SPTLC1: variants seen among roughly 807,000 people sequenced by gnomAD.
SPTLC1 encodes the protein serine palmitoyltransferase 1.
A neutral mutation model predicts 68.9 loss-of-function variants in SPTLC1; 55 were observed. That is an observed-to-expected ratio of 0.80 (90% confidence interval 0.64 to 1.00). The LOEUF (loss-of-function observed/expected upper bound fraction) is 1.00. Among genes scored for constraint, SPTLC1 ranks in the 50% least tolerant of loss-of-function variants. The pLI is 0.00. For missense variants in SPTLC1, 449 were observed against 573.1 expected (o/e 0.78, Z 2.21); for synonymous variants, 197 against 201.6 (o/e 0.98, Z 0.19).
intron 5 of SPTLC1, among the ~76,000 whole-genome samples, chr9:92,073,681 A>G (rs1834576740): frequency 6.6e-6 from 1 of 152,184 alleles, no homozygotes; most frequent in African/African-American, 2.4e-5. Context: ...AACTTCAAAA[A>G]TTAGAGTCTG....
chr9:92,111,070 C>T (rs935121715), intron 2 of SPTLC1: 3 of 152,174 alleles, frequency 2.0e-5, no homozygotes, highest in Non-Finnish European at 4.4e-5. Context: ...AACAGCCTGA[C>T]TACTACCTCT....
chr9:92,103,396 C>T (rs878961191), intron 3 of SPTLC1, among the ~76,000 whole-genome samples: 1 of 152,162 alleles, frequency 6.6e-6, no homozygotes, highest in African/African-American at 2.4e-5. Flanking sequence ...AGATATGCCA[C>T]GGTGCTAAGT....
intron 5 of SPTLC1, among the ~76,000 whole-genome samples, chr9:92,072,859 A>T (rs1302153951): frequency 6.6e-6 from 1 of 151,950 alleles, no homozygotes; most frequent in African/African-American, 2.4e-5. Flanking sequence ...AATGTGGTCC[A>T]TCCCAAATTT....
chr9:92,104,493 C>T (rs1265567524), intron 3 of SPTLC1: 22 of 1,384,508 alleles, frequency 1.6e-5, no homozygotes, highest in Non-Finnish European at 2.0e-5. Context: ...TGGTCTGGAG[C>T]CCCCCCCTCA....
chr9:92,038,556 TA>T, intron 12 of SPTLC1, 191 bp from the exon 13 acceptor site: 3 of 621,634 alleles, frequency 4.8e-6, no homozygotes, highest in Non-Finnish European at 8.8e-6. Flanking sequence ...CTTCCTCATC[TA>T]AAAAAGTCTG....
Position 92,055,453 on chromosome 9 carries a change from T to A in SPTLC1, c.732A>T (p.Val244=), listed in dbSNP as rs746096415. 5.6e-6 allele frequency: 9 copies of A among 1,613,662 alleles called. No individual in the cohort carries two copies. The South Asian group carries it at 9.9e-5, about 18-fold the overall frequency. Residue 244 remains valine (V), a synonymous_variant, in exon 8 of 15, where the codon GTA becomes GTT. Coordinates refer to ENST00000262554, the MANE Select transcript of SPTLC1 (RefSeq NM_006415.4). ...TTCCAGTATTCATATACAATCCTTC[T>A]ACTACAATGAAACGCCGAGTTACAC... The part of the protein sequence containing the change: ...KARVTRRFIV[V]EGLYMNTGTI...
At chr9:92,067,562 T>C (rs1834337852) in intron 6 of SPTLC1, among the ~76,000 whole-genome samples, 1 of 152,194 alleles carries the variant, frequency 6.6e-6, no homozygotes, top group African/African-American at 2.4e-5. Flanking sequence ...ACGGCTCCTC[T>C]ATCCTTAATA....
At chr9:92,074,186 G>A (rs897884769) in intron 5 of SPTLC1, among the ~76,000 whole-genome samples, 4 of 151,948 alleles carry the variant, frequency 2.6e-5, no homozygotes, top group African/African-American at 7.3e-5. Flanking sequence ...CTTCTTAATC[G>A]ATACGGGGGC....
At chr9:92,106,958 A>T (rs1449555110) in intron 3 of SPTLC1, among the ~76,000 whole-genome samples, 1 of 152,146 alleles carries the variant, frequency 6.6e-6, no homozygotes, top group African/African-American at 2.4e-5. Context: ...AGAAAACAAA[A>T]GACCCAAGTA....
chr9:92,085,226 TG>T (rs1835071104), intron 3 of SPTLC1, among the ~76,000 whole-genome samples: 2 of 150,632 alleles, frequency 1.3e-5, no homozygotes, highest in African/African-American at 2.5e-5. Context: ...AAGGGTTTTT[TG>T]TGTCTCTATT....
intron 1 of SPTLC1, chr9:92,115,079 C>T (rs1288816409): frequency 1.7e-6 from 1 of 586,320 alleles, no homozygotes; most frequent in Admixed American, 2.9e-5. Flanking sequence ...TCCAGGGGAC[C>T]CGGAGCATAA....
At chr9:92,096,631 C>T (rs1835540808) in intron 3 of SPTLC1, among the ~76,000 whole-genome samples, 1 of 152,066 alleles carries the variant, frequency 6.6e-6, no homozygotes, top group Admixed American at 6.6e-5. Flanking sequence ...ACTTGACATC[C>T]ACCTGGAAAA....
intron 4 of SPTLC1, 64 bp downstream of exon 4, chr9:92,080,806 T>C: frequency 7.3e-7 from 1 of 1,378,732 alleles, no homozygotes; most frequent in Non-Finnish European, 1.0e-6. Flanking sequence ...TGCCTTTGTC[T>C]TTTATGTCTA....
At chr9:92,035,028 C>A in intron 13 of SPTLC1, 145 bp from the exon 14 acceptor site, 1 of 760,474 alleles carries the variant, frequency 1.3e-6, no homozygotes, top group Non-Finnish European at 2.4e-6. Flanking sequence ...AATACTACAC[C>A]ACCACCTTGG....
chr9:92,034,157 A>G (rs550285546), intron 14 of SPTLC1, among the ~76,000 whole-genome samples: 2 of 152,248 alleles, frequency 1.3e-5, no homozygotes, highest in African/African-American at 2.4e-5. Flanking sequence ...TGGTGTAGAC[A>G]TCGCCTGCTC....
chr9:92,105,218 C>G, intron 3 of SPTLC1: 1 of 1,534,204 alleles, frequency 6.5e-7, no homozygotes, highest in Non-Finnish European at 8.7e-7. Context: ...GACCCCTCCC[C>G]TGCAACTGAG....
At chr9:92,099,440 C>T (rs1835663339) in intron 3 of SPTLC1, among the ~76,000 whole-genome samples, 1 of 151,654 alleles carries the variant, frequency 6.6e-6, no homozygotes, top group South Asian at 2.1e-4. Flanking sequence ...ACATATACAA[C>T]AGTGGTCCTA....
intron 3 of SPTLC1, among the ~76,000 whole-genome samples, chr9:92,087,709 G>T (rs982644338): frequency 3.9e-5 from 6 of 152,218 alleles, no homozygotes; most frequent in African/African-American, 1.2e-4. Context: ...GGACCCACTT[G>T]AGGAGGCAGT....
At chr9:92,062,716 G>T (rs1834148152) in intron 6 of SPTLC1, among the ~76,000 whole-genome samples, 1 of 152,120 alleles carries the variant, frequency 6.6e-6, no homozygotes, top group Non-Finnish European at 1.5e-5. Context: ...TGTTTTTGTA[G>T]TCCCAACTAC....
Sources: allele counts gnomAD v4.1 joint callset (sites outside exome capture counted in the v4.1 genomes callset), GRCh38; gene constraint gnomAD v4.1.1; transcripts MANE v1.5; gene names NCBI Gene and HGNC (gene_info 2026-07-23, HGNC 2026-07-21).